Variants in GREB1L observed in about 807,000 individuals in gnomAD.
GREB1L encodes GREB1 like retinoic acid receptor coactivator.
A neutral mutation model predicts 200.8 loss-of-function variants in GREB1L; 17 were observed. The ratio of observed to expected loss-of-function variants is 0.08; its 90% confidence interval spans 0.06 to 0.13. The LOEUF is 0.13. Among genes scored for constraint, GREB1L ranks in the 10% least tolerant of loss-of-function variants. The probability of loss-of-function intolerance (pLI) is 1.00; values close to 1 mark genes in which losing one functional copy is unlikely to be tolerated. For synonymous variants in GREB1L, 789 were observed against 893.0 expected (o/e 0.88, Z 2.08); for missense variants, 1,657 against 2,367.7 (o/e 0.70, Z 6.23).
intron 7 of GREB1L, among the ~76,000 whole-genome samples, chr18:21,419,641 G>C (rs1480778134): frequency 6.6e-6 from 1 of 152,152 alleles, no homozygotes; most frequent in African/African-American, 2.4e-5. Flanking sequence ...GTAGAAACAG[G>C]GTTTCACCAT....
At chr18:21,273,401 TTGAG>T (rs1220600522) in intron 1 of GREB1L, among the ~76,000 whole-genome samples, 2 of 152,182 alleles carry the variant, frequency 1.3e-5, no homozygotes, top group African/African-American at 2.4e-5. Context: ...GCTGTTCAGT[TTGAG>T]TGGCCTTATA....
intron 1 of GREB1L, among the ~76,000 whole-genome samples, chr18:21,268,560 C>CACACACATATATATATAT (rs1204514384): frequency 4.7e-5 from 3 of 63,532 alleles, no homozygotes; most frequent in African/African-American, 7.5e-5. Context: ...CACACACACA[C>CACACACATATATATATAT]ATATATATAT....
intron 32 of GREB1L, among the ~76,000 whole-genome samples, chr18:21,521,776 G>A (rs1598966945): frequency 1.3e-5 from 2 of 151,628 alleles, no homozygotes; most frequent in African/African-American, 4.8e-5. Flanking sequence ...GGCCAAGGTG[G>A]GTGGATTGGC....
intron 7 of GREB1L, among the ~76,000 whole-genome samples, chr18:21,415,316 A>C (rs1222245047): frequency 6.6e-6 from 1 of 152,184 alleles, no homozygotes; most frequent in African/African-American, 2.4e-5. Flanking sequence ...GGAGTTTGAG[A>C]CCAGCCTGGG....
chr18:21,378,074 A>G (rs1255196596), intron 2 of GREB1L, among the ~76,000 whole-genome samples: 1 of 152,172 alleles, frequency 6.6e-6, no homozygotes, highest in African/African-American at 2.4e-5. Context: ...AGTTTTGAAA[A>G]GTATCTTTCC....
intron 1 of GREB1L, among the ~76,000 whole-genome samples, chr18:21,268,469 CTA>C (rs1167016925): frequency 7.8e-6 from 1 of 128,178 alleles, no homozygotes; most frequent in South Asian, 2.6e-4. Flanking sequence ...TTCATGATGT[CTA>C]TATATATGTG....
chr18:21,521,519 A>G (rs746114147), intron 32 of GREB1L, among the ~76,000 whole-genome samples: 13 of 152,106 alleles, frequency 8.5e-5, no homozygotes, highest in Non-Finnish European at 1.8e-4. Context: ...TTGTGCGGGG[A>G]CTGTGCATTC....
Position 21,490,248 on chromosome 18 carries a change from A to G in GREB1L, c.2927A>G (p.Gln976Arg). 1 of 1,551,812 alleles carries G rather than the reference A, an allele frequency of 6.4e-7. No individual in the cohort carries two copies. Among genetic ancestry groups the G allele is most frequent in the Non-Finnish European group, 8.7e-7 (1 of 1,147,014 alleles). Residue 976 changes from glutamine (Q) to arginine (R), a missense_variant, in exon 19 of 33, where the codon CAG becomes CGG. Physicochemically the swap from Gln to Arg is conservative, Grantham distance 43 (BLOSUM62 1). Coordinates refer to ENST00000424526, the MANE Select transcript of GREB1L (RefSeq NM_001142966.3). Reference protein sequence around the residue: ...QLAMLAKERLQEVRDKLGLQY... With the variant: ...QLAMLAKERLREVRDKLGLQY... ...GCGATGTTAGCCAAGGAGCGGCTACAGGAGGTGCGCGACAAACTGGGTCTG... is the reference window on the plus strand; with the variant it reads ...GCGATGTTAGCCAAGGAGCGGCTACGGGAGGTGCGCGACAAACTGGGTCTG...
chr18:21,458,175 C>G (rs1278097742), intron 15 of GREB1L, among the ~76,000 whole-genome samples: 1 of 151,988 alleles, frequency 6.6e-6, no homozygotes, highest in Middle Eastern at 3.4e-3. Flanking sequence ...TTCTCCATGT[C>G]GGTCAGGCTG....
intron 1 of GREB1L, among the ~76,000 whole-genome samples, chr18:21,332,406 C>G (rs927049876): frequency 3.9e-5 from 6 of 151,970 alleles, no homozygotes; most frequent in Admixed American, 1.3e-4. Context: ...TGCTTTATAC[C>G]TGAGGGTAAG....
At chr18:21,345,136 A>C (rs1398766324) in intron 1 of GREB1L, among the ~76,000 whole-genome samples, 1 of 152,106 alleles carries the variant, frequency 6.6e-6, no homozygotes, top group Non-Finnish European at 1.5e-5. Flanking sequence ...CTTTATCTCC[A>C]ACCCTGGGTT....
At position 21,288,953 on chromosome 18, in the gene GREB1L, G is replaced by A. The variant is rs145123342; in HGVS notation, c.-120+46560G>A. 2.2e-3 allele frequency among the ~76,000 whole-genome samples: 333 copies of A among 152,144 alleles called. 1 individual carries two copies. The highest frequency in any genetic ancestry group is 7.5e-3 in the African/African-American group (310 of 41,500). ...GGGTTTCACCATGTTGGCCAGGCTGGTCTGTAACTCCTGACCTCATGATCC... is the reference window on the plus strand; with the variant it reads ...GGGTTTCACCATGTTGGCCAGGCTGATCTGTAACTCCTGACCTCATGATCC... On this transcript the variant is annotated intron_variant, in intron 1 of 32. Coordinates refer to ENST00000424526, the MANE Select transcript of GREB1L (RefSeq NM_001142966.3).
At chr18:21,507,163 G>T (rs1411895324) in intron 25 of GREB1L, among the ~76,000 whole-genome samples, 1 of 152,148 alleles carries the variant, frequency 6.6e-6, no homozygotes, top group Non-Finnish European at 1.5e-5. Context: ...TTGGTGGGCT[G>T]CTTTGAAATA....
chr18:21,268,522 T>TATAC (rs1555623509), intron 1 of GREB1L, among the ~76,000 whole-genome samples: 31 of 65,150 alleles, frequency 4.8e-4, no homozygotes, highest in South Asian at 8.3e-4. Flanking sequence ...TATATATATA[T>TATAC]ACACACACAC....
intron 2 of GREB1L, among the ~76,000 whole-genome samples, chr18:21,379,023 C>G (rs1189978840): frequency 6.6e-6 from 1 of 152,116 alleles, no homozygotes; most frequent in Non-Finnish European, 1.5e-5. Context: ...GCATGAGCCA[C>G]CAGGCCCAGC....
rs547035360 is a variant in GREB1L, at chr18:21,262,827, A to G, written c.-120+20434A>G. On this transcript the variant is annotated intron_variant, in intron 1 of 32. Coordinates refer to ENST00000424526, the MANE Select transcript of GREB1L (RefSeq NM_001142966.3). ...TAGTTTGTGTCATGGTTTGAGAAAA[A>G]CAGTAGATGAGAACAAGTTAGTATG... Among the ~76,000 whole-genome samples the G allele has an allele frequency of 8.8e-4, 134 of 152,282 alleles. 1 individual carries two copies. The highest frequency in any genetic ancestry group is 1.6e-3 in the Non-Finnish European group (111 of 68,022).
chr18:21,523,585 T>C lies in GREB1L; in HGVS notation c.*764T>C, dbSNP rs995048300. ...TAAGAATATCTTATCTATGAGACTA[T>C]GGAACAGTGATTAATCTTTTGCAAG... On this transcript the variant is annotated 3_prime_UTR_variant, in exon 33 of 33. Coordinates refer to ENST00000424526, the MANE Select transcript of GREB1L (RefSeq NM_001142966.3). 2.0e-5 allele frequency: 3 copies of C among 152,238 alleles called. No homozygotes were observed. The highest frequency in any genetic ancestry group is 1.9e-4 in the East Asian group (1 of 5,206). The allele number at this position is 152,238 out of a possible 1,614,324, so 9.4% of individuals were successfully genotyped here. A position where few individuals can be genotyped will look rare whatever the true frequency, so the allele number is the denominator to read the frequency against.
chr18:21,432,714 T>C (rs1020333360), intron 7 of GREB1L, among the ~76,000 whole-genome samples: 3 of 143,108 alleles, frequency 2.1e-5, no homozygotes, highest in Non-Finnish European at 4.6e-5. Flanking sequence ...TCTTTTTTTT[T>C]TTTTTTTTTT....
At chr18:21,340,038 A>C (rs997416015) in intron 1 of GREB1L, among the ~76,000 whole-genome samples, 9 of 152,200 alleles carry the variant, frequency 5.9e-5, no homozygotes, top group African/African-American at 2.2e-4. Flanking sequence ...GGCTCAGGCC[A>C]TGCTCCTCGC....
Sources: gnomAD v4.1 joint callset for allele counts (sites outside exome capture counted in the v4.1 genomes callset) on GRCh38, gnomAD v4.1.1 for gene constraint, MANE v1.5 for transcripts, NCBI Gene and HGNC (gene_info 2026-07-23, HGNC 2026-07-21) for gene names.